Variants in IFT140 observed in about 807,000 individuals in gnomAD.
IFT140 encodes intraflagellar transport protein 140 homolog.
IFT140 carries 133 observed loss-of-function variants against 164.6 expected under a neutral mutation model. The observed-to-expected ratio is 0.81, with a 90% CI of 0.70 to 0.93. IFT140 has a LOEUF of 0.93. Among genes scored for constraint, IFT140 ranks in the 40% least tolerant of loss-of-function variants. The pLI, the probability that IFT140 is intolerant of heterozygous loss-of-function variation, is 0.00. For synonymous variants in IFT140, 860 were observed against 817.3 expected, an observed-to-expected ratio of 1.05 and a Z score of -0.89; for missense variants, 2,045 against 1,972.3, an observed-to-expected ratio of 1.04 and a Z score of -0.70.
At chr16:1,602,627 A>G (rs1390957812) in intron 3 of IFT140, 36 bp from the exon 4 acceptor site, 9 of 1,580,054 alleles carry the variant, frequency 5.7e-6, no homozygotes, top group Non-Finnish European at 7.8e-6. Context: ...CACAGTTCAG[A>G]GAGGGACAGC....
chr16:1,526,042 G>A lies in IFT140; in HGVS notation c.2613C>T (p.Arg871=). The stretch of plus-strand genomic sequence containing the variant: ...GGTAGAACTTGTTCAGGAGGTCGTG[G>A]CGCTTGCACTTCCTGTACAGCTGCT... ...DAEQLYRKCK[R]HDLLNKFYQA... is the part of the protein sequence containing the mutation. Residue 871 remains arginine (R), a synonymous_variant, in exon 21 of 31, where the codon CGC becomes CGT. Coordinates refer to ENST00000426508, the MANE Select transcript of IFT140 (RefSeq NM_014714.4). The A allele has an allele frequency of 1.2e-6, 2 of 1,600,068 alleles. No homozygotes were observed. Among genetic ancestry groups the A allele is most frequent in the Non-Finnish European group, 1.7e-6 (2 of 1,173,740 alleles).
chr16:1,594,349 T>C (rs2035343272), intron 4 of IFT140, among the ~76,000 whole-genome samples: 1 of 151,940 alleles, frequency 6.6e-6, no homozygotes, highest in Non-Finnish European at 1.5e-5. Context: ...GCCTCCCGAG[T>C]AGCTGGGAAT....
At chr16:1,541,899 C>A in intron 19 of IFT140, 1 of 1,569,874 alleles carries the variant, frequency 6.4e-7, no homozygotes, top group Non-Finnish European at 8.6e-7. Context: ...CTCACCACTG[C>A]CTCTCTGCTC....
intron 30 of IFT140, chr16:1,514,359 C>G (rs1016364059): frequency 1.4e-4 from 21 of 150,886 alleles, no homozygotes; most frequent in East Asian, 3.9e-4. Context: ...GATAGAGCGA[C>G]ACTCCATCTC....
chr16:1,541,323 C>A, intron 19 of IFT140: 1 of 985,228 alleles, frequency 1.0e-6, no homozygotes, highest in Non-Finnish European at 1.2e-6. Flanking sequence ...CATGTCTGAC[C>A]CCTGCTCAGC....
intron 10 of IFT140, among the ~76,000 whole-genome samples, chr16:1,585,557 C>G (rs939251867): frequency 6.6e-6 from 1 of 152,062 alleles, no homozygotes; most frequent in Non-Finnish European, 1.5e-5. Flanking sequence ...CTCAGTAAAG[C>G]TCTTTTTCAT....
At chr16:1,549,192 T>G (rs1262057619) in intron 19 of IFT140, among the ~76,000 whole-genome samples, 1 of 152,252 alleles carries the variant, frequency 6.6e-6, no homozygotes, top group African/African-American at 2.4e-5. Context: ...CTACCCTAGT[T>G]GTGCTCCAAA....
At chr16:1,549,418 T>A (rs2032451632) in intron 19 of IFT140, among the ~76,000 whole-genome samples, 1 of 152,160 alleles carries the variant, frequency 6.6e-6, no homozygotes, top group African/African-American at 2.4e-5. Flanking sequence ...GCACCCCAGG[T>A]GCTTTTCTTT....
In IFT140 at chr16:1,524,877, C is replaced by T. The variant is rs753855080; in HGVS notation, c.2904G>A (p.Gln968=). The part of the protein sequence containing the change: ...WRWWAQYLES[Q]GEMDAALHYY... ...AGTGCAGCGCGGCGTCCATCTCGCC[C>T]TGGCTCTCCAGGTACTGCGCCCACC... Residue 968 remains glutamine (Q), a synonymous_variant, in exon 23 of 31, where the codon CAG becomes CAA. Transcript: ENST00000426508. The T allele has an allele frequency of 2.5e-6, 4 of 1,612,268 alleles. No individual in the cohort carries two copies. The Admixed American group carries it at 6.7e-5, about 27-fold the overall frequency.
At position 1,525,993 on chromosome 16, in the gene IFT140, C is replaced by T. The variant is rs1466089259; in HGVS notation, c.2662G>A (p.Ala888Thr). 2 of 1,597,630 alleles carry T rather than the reference C, an allele frequency of 1.3e-6. No homozygotes were observed. Among genetic ancestry groups the T allele is most frequent in the Non-Finnish European group, 1.7e-6 (2 of 1,172,966 alleles). Reference protein sequence around the residue: ...FYQAAGRWQEALQVAEHHDRV... With the variant: ...FYQAAGRWQETLQVAEHHDRV... ...TCGTGGTGCTCGGCTACCTGGAGGGCCTCCTGCCACCGGCCCGCAGCCTGG... is the reference window on the plus strand; with the variant it reads ...TCGTGGTGCTCGGCTACCTGGAGGGTCTCCTGCCACCGGCCCGCAGCCTGG... Residue 888 changes from alanine (A) to threonine (T), a missense_variant, in exon 21 of 31, where the codon GCC becomes ACC. Transcript: ENST00000426508.
intron 6 of IFT140, among the ~76,000 whole-genome samples, chr16:1,590,200 C>CA (rs559750583): frequency 0.28 from 21,965 of 77,902 alleles, 2,522 homozygotes; most frequent in South Asian, 0.36. Context: ...GACTCTGTCT[C>CA]AAAAAAAAAA....
intron 13 of IFT140, among the ~76,000 whole-genome samples, chr16:1,576,404 A>C (rs2034277664): frequency 6.6e-6 from 1 of 151,608 alleles, no homozygotes; most frequent in Non-Finnish European, 1.5e-5. Flanking sequence ...ATCCTGGCTA[A>C]CACGGTGAAA....
At chr16:1,586,340 C>T in intron 9 of IFT140, 65 bp from the exon 10 acceptor site, 1 of 1,501,634 alleles carries the variant, frequency 6.7e-7, no homozygotes, top group Non-Finnish European at 9.0e-7. Context: ...GCAACAAGCT[C>T]TGTTCTCTAA....
intron 6 of IFT140, among the ~76,000 whole-genome samples, chr16:1,590,869 G>C (rs2035144083): frequency 6.6e-6 from 1 of 152,118 alleles, no homozygotes; most frequent in Non-Finnish European, 1.5e-5. Context: ...GGGTTCAAGT[G>C]ATCCTCCCAA....
At chr16:1,603,527 G>A (rs2035899249) in intron 3 of IFT140, among the ~76,000 whole-genome samples, 1 of 151,906 alleles carries the variant, frequency 6.6e-6, no homozygotes, top group South Asian at 2.1e-4. Context: ...TGTAGCCCAG[G>A]CTGGAGTGCT....
intron 10 of IFT140, among the ~76,000 whole-genome samples, chr16:1,585,693 T>G (rs2034831722): frequency 6.6e-6 from 1 of 152,160 alleles, no homozygotes; most frequent in South Asian, 2.1e-4. Context: ...TGTCTTATTA[T>G]TGTTATTTTC....
rs778870530 is a variant in IFT140 at position 1,580,773 on chromosome 16, C to T, written c.1510G>A (p.Val504Ile). ...CAGCAACTTACCTGCCAGGTTCGAA[C>T]TTGAACTCGGTTTGACTCCACCGTG... ...VYTVESNRVQ[V>I]RTWQGTVKQL... Residue 504 changes from valine to isoleucine, a missense_variant, in exon 13 of 31, where the codon GTT (valine) becomes ATT (isoleucine). Physicochemically the swap from Val to Ile is conservative, Grantham distance 29 (BLOSUM62 3). Transcript: ENST00000426508. 1.9e-6 allele frequency: 3 copies of T among 1,613,768 alleles called. No individual in the cohort carries two copies. The highest frequency in any genetic ancestry group is 1.7e-6 in the Non-Finnish European group (2 of 1,179,692).
rs779165524 is a variant in IFT140 at position 1,589,631 on chromosome 16, C to G, written c.784G>C (p.Glu262Gln). 5 of 1,614,024 alleles carry G rather than the reference C, an allele frequency of 3.1e-6. No homozygotes were observed. The East Asian group carries it at 6.7e-5, about 22-fold the overall frequency. ...TTCATCACTTCTTCTGCTTTGCCCT[C>G]AGGAGGCACCGTGTACAGGGACAGC... ...LRLSLYTVPP[E>Q]GKAEEVMKVK... The change falls in exon 7 of 31, where the codon GAG becomes CAG. Residue 262 changes from glutamate (E) to glutamine (Q), a missense_variant. Transcript: ENST00000426508.
chr16:1,551,932 G>A lies in IFT140; in HGVS notation c.2399+6003C>T, dbSNP rs891923241. ...CGGGTGTGTCCCTGGTGATGTCCCC[G>A]GGGCCTCTCCCTGGTGACGTGTGGC... On this transcript the variant is annotated intron_variant, in intron 19 of 30. Coordinates refer to ENST00000426508, the MANE Select transcript of IFT140 (RefSeq NM_014714.4). The surrounding 1 kb of genome is among the most constrained non-coding windows in gnomAD (Gnocchi z 4.0). Among the ~76,000 whole-genome samples the A allele has an allele frequency of 5.3e-5, 8 of 152,040 alleles. No homozygotes were observed. Among genetic ancestry groups the A allele is most frequent in the African/African-American group, 1.5e-4 (6 of 41,364 alleles).
Sources: allele counts gnomAD v4.1 joint callset (sites outside exome capture counted in the v4.1 genomes callset), GRCh38; gene constraint gnomAD v4.1.1; non-coding constraint Gnocchi (gnomAD v3.1); transcripts MANE v1.5; gene names NCBI Gene and HGNC (gene_info 2026-07-23, HGNC 2026-07-21).